Variants in CFHR3 observed in about 807,000 individuals in gnomAD.
CFHR3 encodes complement factor H-related protein 3.
In CFHR3, 22 loss-of-function variants were observed where a neutral mutation model predicts 36.0. The ratio of observed to expected loss-of-function variants is 0.61; its 90% CI spans 0.44 to 0.87. The LOEUF is 0.87. CFHR3 is among the 40% of genes least tolerant of loss of function. The probability of loss-of-function intolerance (pLI) is 0.00; values close to 1 mark genes in which losing one functional copy is unlikely to be tolerated. For missense variants in CFHR3, 276 were observed against 401.3 expected, an observed-to-expected ratio of 0.69 and a Z score of 2.67; for synonymous variants, 97 against 137.4, an observed-to-expected ratio of 0.71 and a Z score of 2.06.
intron 3 of CFHR3, among the ~76,000 whole-genome samples, chr1:196,786,904 G>T (rs1486847538): frequency 7.3e-6 from 1 of 137,584 alleles, no homozygotes; most frequent in Non-Finnish European, 1.5e-5. Flanking sequence ...CGTCGCTCAC[G>T]CTGGGAGCTG....
In CFHR3 at chr1:196,789,588, A is replaced by G. The variant is rs1654342179; in HGVS notation, c.614-457A>G. ...CCTTACTGTTAGTAAATCGTTACAT[A>G]ACTACATAAATGGTTACATTAACTT... On this transcript the variant is annotated intron_variant, in intron 4 of 5. Coordinates refer to ENST00000367425, the MANE Select transcript of CFHR3 (RefSeq NM_021023.6). 2.4e-6 allele frequency: 3 copies of G among 1,266,214 alleles called. 1 individual carries two copies. The highest frequency in any genetic ancestry group is 3.1e-6 in the Non-Finnish European group (3 of 963,540). 78.4% of individuals were successfully genotyped at this position (1,266,214 alleles called of 1,614,324 possible).
chr1:196,787,463 T>C (rs1457439727), intron 3 of CFHR3, among the ~76,000 whole-genome samples: 1 of 136,914 alleles, frequency 7.3e-6, no homozygotes, highest in African/African-American at 3.1e-5. Context: ...GATAGTAAAA[T>C]TGGTCCATTT....
rs1654102951 is a variant in CFHR3 at position 196,784,460 on chromosome 1, A to AAG, written c.431-3756_431-3755insAG. Among the ~76,000 whole-genome samples the AAG allele has an allele frequency of 6.0e-5, 8 of 133,534 alleles. 2 individuals carry two copies. The South Asian group carries it at 1.1e-3, about 18-fold the overall frequency. 87.6% of individuals were successfully genotyped at this position (133,534 alleles called of 152,430 possible). On this transcript the variant is annotated intron_variant, in intron 3 of 5. Coordinates refer to ENST00000367425, the MANE Select transcript of CFHR3 (RefSeq NM_021023.6). ...TCTAAGTCTCTTTGTAGGTCACTCC[A>AAG]GACTTGCTTTATGAATCTGGGTGCT...
rs936362567 is a variant in CFHR3, at chr1:196,793,534, T to C, written c.*21T>C. The C allele has an allele frequency of 5.3e-6, 8 of 1,509,044 alleles. 2 individuals carry two copies. The Admixed American group carries it at 1.0e-4, about 20-fold the overall frequency. The allele number at this position is 1,509,044 out of a possible 1,614,324, so 93.5% of individuals were successfully genotyped here. Reference sequence around the variant, plus strand: ...AATAAGGCAGCATTGTTACCCTAAATGTATGTCCAACTTCCACTTTTCCAC... The same window carrying C: ...AATAAGGCAGCATTGTTACCCTAAACGTATGTCCAACTTCCACTTTTCCAC... On this transcript the variant is annotated 3_prime_UTR_variant, in exon 6 of 6. Coordinates refer to ENST00000367425, the MANE Select transcript of CFHR3 (RefSeq NM_021023.6).
Position 196,782,518 on chromosome 1 carries a change from C to T in CFHR3, c.430+2545C>T, listed in dbSNP as rs1297680199. ...TGGTTCTCCTTGAAGAGGTCCTTCG[C>T]GTCCCTTGTAAGTTGGATTCCTAGG... On this transcript the variant is annotated intron_variant, in intron 3 of 5. Coordinates refer to ENST00000367425, the MANE Select transcript of CFHR3 (RefSeq NM_021023.6). 4.4e-5 allele frequency among the ~76,000 whole-genome samples: 6 copies of T among 136,450 alleles called. 2 individuals are homozygous for T. The highest frequency in any genetic ancestry group is 2.8e-4 in the Admixed American group (4 of 14,200). The allele number at this position is 136,450 out of a possible 152,430, so 89.5% of individuals were successfully genotyped here. A position where few individuals can be genotyped will look rare whatever the true frequency, so the allele number is the denominator to read the frequency against.
rs1461911339 is a variant in CFHR3, at chr1:196,780,655, ATC to A, written c.430+686_430+687del. On this transcript the variant is annotated intron_variant, in intron 3 of 5. Coordinates refer to ENST00000367425, the MANE Select transcript of CFHR3 (RefSeq NM_021023.6). Reference sequence around the variant, plus strand: ...TCATCTTAATAATTCTGAAGGTAAAATCTCTTTTAATTATATGTAATGCAAAT... The same window carrying A: ...TCATCTTAATAATTCTGAAGGTAAAATCTTTTAATTATATGTAATGCAAAT... Among the ~76,000 whole-genome samples, 16 of 135,852 alleles carry A rather than the reference ATC, an allele frequency of 1.2e-4. 4 individuals are homozygous for A. Among genetic ancestry groups the A allele is most frequent in the African/African-American group, 4.6e-4 (15 of 32,516 alleles). 89.1% of individuals were successfully genotyped at this position (135,852 alleles called of 152,430 possible).
In CFHR3 at chr1:196,788,708, T is replaced by C. The variant is rs761050610; in HGVS notation, c.613+310T>C. 8.2e-5 allele frequency: 120 copies of C among 1,455,432 alleles called. 30 individuals carry two copies. The African/African-American group carries it at 1.1e-3, about 14-fold the overall frequency. The allele number at this position is 1,455,432 out of a possible 1,614,324, so 90.2% of individuals were successfully genotyped here. A position where few individuals can be genotyped will look rare whatever the true frequency, so the allele number is the denominator to read the frequency against. Reference sequence around the variant, plus strand: ...ATATGTTAGTTGCCAATAAAAACTTTGTTGTCTTCCCTTTCTTTGTATTTC... The same window carrying C: ...ATATGTTAGTTGCCAATAAAAACTTCGTTGTCTTCCCTTTCTTTGTATTTC... On this transcript the variant is annotated intron_variant, in intron 4 of 5. Transcript: ENST00000367425.
chr1:196,780,872 A>G (rs1653920096), intron 3 of CFHR3, among the ~76,000 whole-genome samples: 1 of 132,426 alleles, frequency 7.6e-6, no homozygotes, highest in Admixed American at 7.2e-5. Context: ...ACATATGTAT[A>G]CATGTGCCAT....
chr1:196,780,525 T>C (rs1282808587), intron 3 of CFHR3, among the ~76,000 whole-genome samples: 1 of 136,202 alleles, frequency 7.3e-6, no homozygotes, highest in Non-Finnish European at 1.5e-5. Flanking sequence ...GGATTTAGAA[T>C]ACATGTTCAC....
In CFHR3 at chr1:196,782,063, C is replaced by A. The variant is rs1241142922; in HGVS notation, c.430+2090C>A. On this transcript the variant is annotated intron_variant, in intron 3 of 5. Transcript: ENST00000367425. ...AGCAACATTTATTAAATAGGGAATC[C>A]TTTCCCCATTACTTGTTTTTCTCAG... 2.9e-5 allele frequency among the ~76,000 whole-genome samples: 4 copies of A among 137,464 alleles called. 1 individual carries two copies. The highest frequency in any genetic ancestry group is 5.0e-4 in the South Asian group (2 of 3,968). The allele number at this position is 137,464 out of a possible 152,430, so 90.2% of individuals were successfully genotyped here.
intron 3 of CFHR3, among the ~76,000 whole-genome samples, chr1:196,786,796 G>C (rs1025665174): frequency 7.3e-6 from 1 of 136,936 alleles, no homozygotes; most frequent in African/African-American, 3.1e-5. Flanking sequence ...GCTCACGCAC[G>C]GTGCGCTGCA....
At chr1:196,783,363 GT>G (rs1654044525) in intron 3 of CFHR3, among the ~76,000 whole-genome samples, 1 of 134,254 alleles carries the variant, frequency 7.4e-6, no homozygotes, top group South Asian at 2.6e-4. Flanking sequence ...GATTGGAATA[GT>G]TTCAGAAGGA....
Position 196,779,238 on chromosome 1 carries a change from A to G in CFHR3, c.135A>G (p.Val45=). 3 of 1,528,452 alleles carry G rather than the reference A, an allele frequency of 2.0e-6. No homozygotes were observed. The highest frequency in any genetic ancestry group is 2.7e-6 in the Non-Finnish European group (3 of 1,128,728). 94.7% of individuals were successfully genotyped at this position (1,528,452 alleles called of 1,614,324 possible). A position where few individuals can be genotyped will look rare whatever the true frequency, so the allele number is the denominator to read the frequency against. ...HENMRRPYFP[V]AVGKYYSYYC... ...ATATGCGTAGACCATACTTTCCAGT[A>G]GCTGTAGGAAAATATTACTCCTATT... Residue 45 remains valine, a synonymous_variant, in exon 2 of 6, where the codon GTA becomes GTG. Coordinates refer to ENST00000367425, the MANE Select transcript of CFHR3 (RefSeq NM_021023.6).
Position 196,783,197 on chromosome 1 carries a change from C to T in CFHR3, c.430+3224C>T, listed in dbSNP as rs554333591. Among the ~76,000 whole-genome samples, 9 of 136,360 alleles carry T rather than the reference C, an allele frequency of 6.6e-5. 1 individual carries two copies. The highest frequency in any genetic ancestry group is 5.2e-4 in the South Asian group (2 of 3,868). The allele number at this position is 136,360 out of a possible 152,430, so 89.5% of individuals were successfully genotyped here. A position where few individuals can be genotyped will look rare whatever the true frequency, so the allele number is the denominator to read the frequency against. Reference sequence around the variant, plus strand: ...AAGCTTTTTGATGTGCTGTTGGATTCGGTTTGCCAGTATTTTATTGAGGAT... The same window carrying T: ...AAGCTTTTTGATGTGCTGTTGGATTTGGTTTGCCAGTATTTTATTGAGGAT... On this transcript the variant is annotated intron_variant, in intron 3 of 5. Coordinates refer to ENST00000367425, the MANE Select transcript of CFHR3 (RefSeq NM_021023.6).
In CFHR3 at chr1:196,794,756, C is replaced by G. The variant is rs141484222; in HGVS notation, c.*1243C>G. On this transcript the variant is annotated 3_prime_UTR_variant, in exon 6 of 6. Transcript: ENST00000367425. ...CTCTATTCACTTTAATAGATTTTTA[C>G]CCCCAGTTAGCATATGGTTAGTGAG... 580 of 280,332 alleles carry G rather than the reference C, an allele frequency of 2.1e-3. 61 individuals carry two copies. The East Asian group carries it at 0.022, about 11-fold the overall frequency. 17.4% of individuals were successfully genotyped at this position (280,332 alleles called of 1,614,324 possible).
At chr1:196,780,041 A>G in intron 3 of CFHR3, 68 bp downstream of exon 3, 2 of 1,508,576 alleles carry the variant, frequency 1.3e-6, no homozygotes, top group East Asian at 2.3e-5. Context: ...ACAGTCTCAG[A>G]CTTGTCTATA....
intron 3 of CFHR3, among the ~76,000 whole-genome samples, chr1:196,786,350 T>C (rs867182673): frequency 7.4e-6 from 1 of 135,026 alleles, no homozygotes; most frequent in South Asian, 2.6e-4. Context: ...GACAGGGACA[T>C]TTAAGTCTGC....
intron 3 of CFHR3, among the ~76,000 whole-genome samples, chr1:196,785,128 G>T (rs1236816036): frequency 2.2e-5 from 3 of 136,168 alleles, no homozygotes; most frequent in South Asian, 2.6e-4. Flanking sequence ...GTTGAATATT[G>T]GCCCCCACTC....
chr1:196,793,249 T>A lies in CFHR3; in HGVS notation c.797-68T>A, dbSNP rs112153766. On this transcript the variant is annotated intron_variant, in intron 5 of 5. Transcript: ENST00000367425. ...ATTTTATTTTATCCTAAACTACTCATTAGGATGCATTTTATTTGCTCATGA... is the reference window on the plus strand; with the variant it reads ...ATTTTATTTTATCCTAAACTACTCAATAGGATGCATTTTATTTGCTCATGA... The A allele has an allele frequency of 2.0e-3, 2,604 of 1,318,514 alleles. 650 individuals are homozygous for A. The African/African-American group carries it at 0.04, about 20-fold the overall frequency. 81.7% of individuals were successfully genotyped at this position (1,318,514 alleles called of 1,614,324 possible). A position where few individuals can be genotyped will look rare whatever the true frequency, so the allele number is the denominator to read the frequency against.
Sources: gnomAD v4.1 joint callset for allele counts (sites outside exome capture counted in the v4.1 genomes callset) on GRCh38, gnomAD v4.1.1 for gene constraint, MANE v1.5 for transcripts, NCBI Gene and HGNC (gene_info 2026-07-23, HGNC 2026-07-21) for gene names.